DGKG: variants seen among roughly 807,000 people sequenced by gnomAD.
DGKG encodes DAG kinase gamma.
Under a neutral mutation model 105.3 loss-of-function variants are expected in DGKG, and 78 were observed. That is an observed-to-expected ratio of 0.74 (90% CI 0.62 to 0.89). DGKG has a LOEUF of 0.89. DGKG is among the 40% of genes least tolerant of loss of function. The probability of loss-of-function intolerance (pLI) is 0.00; values close to 1 mark genes in which losing one functional copy is unlikely to be tolerated. For synonymous variants in DGKG, 346 were observed against 367.1 expected (o/e 0.94, Z 0.66); for missense variants, 958 against 1,020.1 (o/e 0.94, Z 0.83).
intron 1 of DGKG, among the ~76,000 whole-genome samples, chr3:186,327,745 T>C (rs558516397): frequency 6.6e-6 from 1 of 152,182 alleles, no homozygotes; most frequent in African/African-American, 2.4e-5. Context: ...TAGCACATTA[T>C]AGATCATCAT....
chr3:186,268,904 G>T lies in DGKG; in HGVS notation c.1013C>A (p.Ala338Glu). 6.2e-7 allele frequency: 1 copy of T among 1,613,264 alleles called. No individual in the cohort carries two copies. Among genetic ancestry groups the T allele is most frequent in the Non-Finnish European group, 8.5e-7 (1 of 1,179,370 alleles). ...AKRSGEVMQH[A>E]WVEGNSSVKC... is the part of the protein sequence containing the mutation. ...GACGGAGGAGTTCCCTTCCACCCAT[G>T]CGTGCTGCATCACCTGCGGGAGGGA... is the stretch of plus-strand genomic sequence containing the variant. The change falls in exon 12 of 25, where the codon GCA becomes GAA. Residue 338 changes from alanine (A) to glutamate (E), a missense_variant. Physicochemically the swap from Ala to Glu is moderately radical, Grantham distance 107 (BLOSUM62 -1). Transcript: ENST00000265022.
chr3:186,263,710 A>C (rs1318507601), intron 14 of DGKG, among the ~76,000 whole-genome samples: 1 of 151,408 alleles, frequency 6.6e-6, no homozygotes, highest in Non-Finnish European at 1.5e-5. Context: ...AACTGGATTT[A>C]AAATGCATTG....
chr3:186,225,260 C>T (rs1026948978), intron 20 of DGKG, among the ~76,000 whole-genome samples: 5 of 151,942 alleles, frequency 3.3e-5, no homozygotes, highest in Admixed American at 3.3e-4. Context: ...AGCCATTGCG[C>T]CTGGCCCTGA....
chr3:186,260,397 G>C, intron 16 of DGKG, 42 bp downstream of exon 16: 1 of 1,422,738 alleles, frequency 7.0e-7, no homozygotes. Context: ...GAGTTTAAAA[G>C]GGAGGGGGAG....
intron 3 of DGKG, among the ~76,000 whole-genome samples, chr3:186,300,557 G>A (rs1723873878): frequency 6.6e-6 from 1 of 151,956 alleles, no homozygotes; most frequent in African/African-American, 2.4e-5. Context: ...GAATAATATG[G>A]CACTGTTCTT....
At chr3:186,215,459 T>A (rs909116363) in intron 20 of DGKG, among the ~76,000 whole-genome samples, 1 of 149,704 alleles carries the variant, frequency 6.7e-6, no homozygotes, top group Admixed American at 6.7e-5. Flanking sequence ...TGGACCATCC[T>A]CAAGTGGCTG....
At chr3:186,331,247 G>A (rs1344258202) in intron 1 of DGKG, among the ~76,000 whole-genome samples, 1 of 152,148 alleles carries the variant, frequency 6.6e-6, no homozygotes, top group Non-Finnish European at 1.5e-5. Context: ...CAACAACGGG[G>A]CCTTCCCCAG....
intron 1 of DGKG, among the ~76,000 whole-genome samples, chr3:186,326,523 T>G (rs1175507983): frequency 2.6e-5 from 4 of 151,862 alleles, no homozygotes; most frequent in African/African-American, 9.7e-5. Context: ...AGTCCGACAT[T>G]GCAAAGTCAA....
intron 6 of DGKG, among the ~76,000 whole-genome samples, chr3:186,285,679 C>CT (rs34275225): frequency 0.31 from 41,087 of 133,154 alleles, 7,186 homozygotes; most frequent in South Asian, 0.41. Flanking sequence ...TTCTTTCTTT[C>CT]TTTTTTTTTT....
At chr3:186,261,988 G>A (rs1343634067) in intron 14 of DGKG, 7 of 484,182 alleles carry the variant, frequency 1.4e-5, no homozygotes, top group African/African-American at 4.0e-5. Flanking sequence ...CGGAAATGAG[G>A]GTTTGAGGTC....
intron 2 of DGKG, among the ~76,000 whole-genome samples, chr3:186,315,901 G>A (rs758622169): frequency 2.6e-5 from 4 of 152,194 alleles, no homozygotes; most frequent in Non-Finnish European, 4.4e-5. Context: ...AGGGAGTTCC[G>A]TTCTAGGATC....
At chr3:186,246,002 C>T (rs764616653) in intron 19 of DGKG, among the ~76,000 whole-genome samples, 183 of 152,168 alleles carry the variant, frequency 1.2e-3, no homozygotes, top group Middle Eastern at 0.01. Flanking sequence ...GATGGAGTCT[C>T]ACTCCGTTGC....
chr3:186,259,821 G>T (rs1407726642), intron 16 of DGKG, among the ~76,000 whole-genome samples: 1 of 152,136 alleles, frequency 6.6e-6, no homozygotes, highest in South Asian at 2.1e-4. Context: ...ACCATTAGCC[G>T]CAGACACAGG....
intron 1 of DGKG, among the ~76,000 whole-genome samples, chr3:186,347,729 C>T (rs1396778663): frequency 6.6e-6 from 1 of 151,866 alleles, no homozygotes; most frequent in Admixed American, 6.6e-5. Flanking sequence ...ATTATAGATG[C>T]CCACCACCAC....
chr3:186,339,387 A>C (rs1294599277), intron 1 of DGKG, among the ~76,000 whole-genome samples: 1 of 152,206 alleles, frequency 6.6e-6, no homozygotes, highest in Admixed American at 6.5e-5. Flanking sequence ...GTTGACTGAG[A>C]AGAAAGAGCA....
At chr3:186,236,174 G>A (rs891255507) in intron 20 of DGKG, among the ~76,000 whole-genome samples, 1 of 152,190 alleles carries the variant, frequency 6.6e-6, no homozygotes, top group African/African-American at 2.4e-5. Flanking sequence ...ACCCCCAGGA[G>A]AAGGATTTGG....
chr3:186,201,738 A>C (rs1284481988), intron 21 of DGKG, among the ~76,000 whole-genome samples: 1 of 152,182 alleles, frequency 6.6e-6, no homozygotes, highest in African/African-American at 2.4e-5. Context: ...GCTAATGTTC[A>C]CACCAATTGT....
At chr3:186,253,019 G>T in intron 18 of DGKG, 74 bp downstream of exon 18, 1 of 1,334,534 alleles carries the variant, frequency 7.5e-7, no homozygotes, top group Non-Finnish European at 1.1e-6. Context: ...GGTAAGTTCA[G>T]CCTAGCTCTG....
Position 186,267,675 on chromosome 3 carries a change from G to C in DGKG, c.1209+10C>G, listed in dbSNP as rs1413709642. 1 of 1,611,444 alleles carries C rather than the reference G, an allele frequency of 6.2e-7. No homozygotes were observed. The highest frequency in any genetic ancestry group is 8.5e-7 in the Non-Finnish European group (1 of 1,177,686). Reference sequence around the variant, plus strand: ...GAAGCTACAGCCCTCGCCGGGGCAGGAGCACTTACCCGGGTGATGGGGCAT... The same window carrying C: ...GAAGCTACAGCCCTCGCCGGGGCAGCAGCACTTACCCGGGTGATGGGGCAT... On this transcript the variant is annotated intron_variant, in intron 13 of 24. Transcript: ENST00000265022.
Sources: gnomAD v4.1 joint callset for allele counts (sites outside exome capture counted in the v4.1 genomes callset) on GRCh38, gnomAD v4.1.1 for gene constraint, MANE v1.5 for transcripts, NCBI Gene and HGNC (gene_info 2026-07-23, HGNC 2026-07-21) for gene names.